The following MAP2 variants were observed in gnomAD, a reference collection of about 807,000 sequenced individuals.
MAP2 encodes microtubule associated protein 2.
Under a neutral mutation model 137.6 loss-of-function variants are expected in MAP2, and 14 were observed. The observed-to-expected ratio is 0.10, with a 90% CI of 0.07 to 0.16. MAP2 has a LOEUF of 0.16. Among genes scored for constraint, MAP2 ranks in the 10% least tolerant of loss-of-function variants. The pLI, the probability that MAP2 is intolerant of heterozygous loss-of-function variation, is 1.00. For synonymous variants in MAP2, 786 were observed against 782.3 expected, an observed-to-expected ratio of 1.00 and a Z score of -0.08; for missense variants, 2,088 against 2,191.5, an observed-to-expected ratio of 0.95 and a Z score of 0.94.
At chr2:209,700,649 T>C (rs928928216) in intron 11 of MAP2, among the ~76,000 whole-genome samples, 11 of 152,146 alleles carry the variant, frequency 7.2e-5, no homozygotes, top group Non-Finnish European at 1.6e-4. Flanking sequence ...AGAATCAAAT[T>C]AAACCATATA....
At chr2:209,544,122 A>G (rs1029987899) in intron 2 of MAP2, among the ~76,000 whole-genome samples, 2 of 151,882 alleles carry the variant, frequency 1.3e-5, no homozygotes, top group Non-Finnish European at 2.9e-5. Flanking sequence ...AGTCCCATCT[A>G]CTTGGGAGGC....
In MAP2 at chr2:209,439,840, A is replaced by C. The variant is rs1697317121; in HGVS notation, c.-222+15564A>C. ...GCTTGGTACTGGGATATACAACATG[A>C]ATAGATATAGACAAAGCACTGAATT... is the stretch of plus-strand genomic sequence containing the variant. On this transcript the variant is annotated intron_variant, in intron 1 of 15. Transcript: ENST00000682079. Among the ~76,000 whole-genome samples the C allele has an allele frequency of 2.6e-5, 4 of 151,596 alleles. No homozygotes were observed. In the South Asian group the frequency reaches 8.3e-4, roughly 31 times the overall value.
chr2:209,697,897 G>C (rs985225514), intron 10 of MAP2, among the ~76,000 whole-genome samples: 1 of 152,014 alleles, frequency 6.6e-6, no homozygotes, highest in Non-Finnish European at 1.5e-5. Flanking sequence ...CGCCCAGGCT[G>C]GAGTGCAGTG....
At chr2:209,616,845 A>C (rs1174330084) in intron 3 of MAP2, among the ~76,000 whole-genome samples, 1 of 152,188 alleles carries the variant, frequency 6.6e-6, no homozygotes, top group African/African-American at 2.4e-5. Context: ...AGAACACCAC[A>C]GGCTGGGGGG....
intron 2 of MAP2, among the ~76,000 whole-genome samples, chr2:209,537,488 C>T (rs2150681183): frequency 6.6e-6 from 1 of 152,218 alleles, no homozygotes; most frequent in East Asian, 1.9e-4. Flanking sequence ...TCATCCAATC[C>T]TAATGAAAGA....
intron 2 of MAP2, among the ~76,000 whole-genome samples, chr2:209,539,581 C>T (rs28612937): frequency 0.053 from 8,135 of 152,216 alleles, 480 homozygotes; most frequent in South Asian, 0.22. Context: ...TAACTGAAAA[C>T]TAGTGCTTAA....
At chr2:209,705,482 C>G in intron 11 of MAP2, 98 bp from the exon 12 acceptor site, 1 of 956,078 alleles carries the variant, frequency 1.0e-6, no homozygotes, top group Non-Finnish European at 1.5e-6. Flanking sequence ...AAAAGAAATT[C>G]ATTTATTAGC....
At chr2:209,645,287 T>A (rs2094343002) in intron 4 of MAP2, among the ~76,000 whole-genome samples, 1 of 152,250 alleles carries the variant, frequency 6.6e-6, no homozygotes, top group African/African-American at 2.4e-5. Flanking sequence ...TTTTAATTTG[T>A]ACATACAGTT....
At chr2:209,500,376 G>A (rs1365828365) in intron 1 of MAP2, among the ~76,000 whole-genome samples, 5 of 152,016 alleles carry the variant, frequency 3.3e-5, no homozygotes, top group Non-Finnish European at 7.4e-5. Context: ...ACACCCCCTG[G>A]GCTTTGATTC....
intron 1 of MAP2, among the ~76,000 whole-genome samples, chr2:209,493,056 G>A (rs1489249253): frequency 6.6e-6 from 1 of 152,056 alleles, no homozygotes; most frequent in Non-Finnish European, 1.5e-5. Flanking sequence ...TAACCAAAAT[G>A]TTATGGTACT....
At chr2:209,497,990 C>T (rs1174487721) in intron 1 of MAP2, among the ~76,000 whole-genome samples, 1 of 152,172 alleles carries the variant, frequency 6.6e-6, no homozygotes, top group African/African-American at 2.4e-5. Context: ...CCAATGGTTC[C>T]CCAATGTCTT....
At chr2:209,718,409 T>G (rs2068668776) in intron 13 of MAP2, among the ~76,000 whole-genome samples, 1 of 152,140 alleles carries the variant, frequency 6.6e-6, no homozygotes, top group African/African-American at 2.4e-5. Context: ...TGTCAAAAAA[T>G]TATAATATAC....
At chr2:209,600,233 G>A (rs1425167664) in intron 3 of MAP2, among the ~76,000 whole-genome samples, 2 of 152,144 alleles carry the variant, frequency 1.3e-5, no homozygotes, top group African/African-American at 2.4e-5. Context: ...GCAGCAAGAT[G>A]ATAGATGGAA....
rs1008598127 is a variant in MAP2 at position 209,504,544 on chromosome 2, A to G, written c.-221-3048A>G. ...CTCTTTAAAGAGTTGTTAAGTGGCA[A>G]TATCATCCTGGTATTCATTGCTCAG... On this transcript the variant is annotated intron_variant, in intron 1 of 15. Transcript: ENST00000682079. Among the ~76,000 whole-genome samples, 6 of 152,176 alleles carry G rather than the reference A, an allele frequency of 3.9e-5. No homozygotes were observed. In the South Asian group the frequency reaches 6.2e-4, roughly 16 times the overall value.
intron 2 of MAP2, among the ~76,000 whole-genome samples, chr2:209,564,510 A>G (rs541600553): frequency 1.3e-4 from 20 of 150,556 alleles, no homozygotes; most frequent in African/African-American, 4.4e-4. Flanking sequence ...GTAGAATTAC[A>G]CAAAGGTGAG....
chr2:209,586,387 A>G (rs898443770), intron 3 of MAP2, among the ~76,000 whole-genome samples: 1 of 152,164 alleles, frequency 6.6e-6, no homozygotes, highest in East Asian at 1.9e-4. Context: ...AGCAAGGGAA[A>G]AGAGGGTGAG....
chr2:209,573,569 C>T (rs1291419441), intron 2 of MAP2, among the ~76,000 whole-genome samples: 1 of 152,174 alleles, frequency 6.6e-6, no homozygotes, highest in East Asian at 1.9e-4. Flanking sequence ...GCTAGGATTA[C>T]AGGCATGAGC....
At position 209,693,065 on chromosome 2, in the gene MAP2, G is replaced by A; in HGVS notation, c.895G>A (p.Asp299Asn). ...LTPMREKDVF[D>N]DIPKWEGKQF... ...TCCCATGAGGGAAAAAGATGTATTT[G>A]ATGATATCCCAAAATGGGAAGGGAA... Residue 299 changes from aspartate (D) to asparagine (N), a missense_variant, in exon 8 of 16, where the codon GAT becomes AAT. Around this residue, in one of 6 missense-constraint regions of MAP2, gnomAD observed 859 missense variants for 794.5 expected, o/e 1.08. Coordinates refer to ENST00000682079, the MANE Select transcript of MAP2 (RefSeq NM_001375505.1). 6.2e-7 allele frequency: 1 copy of A among 1,613,232 alleles called. No individual in the cohort carries two copies. The highest frequency in any genetic ancestry group is 8.5e-7 in the Non-Finnish European group (1 of 1,179,734).
intron 1 of MAP2, among the ~76,000 whole-genome samples, chr2:209,496,478 C>T (rs1296965548): frequency 1.3e-5 from 2 of 152,124 alleles, no homozygotes; most frequent in Non-Finnish European, 2.9e-5. Flanking sequence ...TATATTTTGC[C>T]TAATTATATC....
Sources: allele counts gnomAD v4.1 joint callset (sites outside exome capture counted in the v4.1 genomes callset), GRCh38; gene constraint gnomAD v4.1.1; regional missense constraint gnomAD v4.1.1; transcripts MANE v1.5; gene names NCBI Gene and HGNC (gene_info 2026-07-23, HGNC 2026-07-21).